The following KCMF1 variants were observed in gnomAD, a reference collection of about 807,000 sequenced individuals.
KCMF1 encodes E3 ubiquitin-protein ligase KCMF1.
In KCMF1, 3 loss-of-function variants were observed where a neutral mutation model predicts 41.1. The ratio of observed to expected loss-of-function variants is 0.07; its 90% CI spans 0.03 to 0.19. The LOEUF (loss-of-function observed/expected upper bound fraction) is 0.19, where lower values mean the gene tolerates loss of function less well. KCMF1 is among the 10% of genes least tolerant of loss of function. The pLI is 1.00. For synonymous variants in KCMF1, 142 were observed against 164.5 expected, an observed-to-expected ratio of 0.86 and a Z score of 1.04; for missense variants, 286 against 488.9, an observed-to-expected ratio of 0.58 and a Z score of 3.91.
chr2:84,975,010 T>C (rs879345510), intron 1 of KCMF1, among the ~76,000 whole-genome samples: 1 of 152,116 alleles, frequency 6.6e-6, no homozygotes, highest in African/African-American at 2.4e-5. Context: ...CCTGGCCGAA[T>C]TTCATATAAT....
At chr2:85,020,487 G>A (rs1674904600) in intron 1 of KCMF1, among the ~76,000 whole-genome samples, 1 of 151,860 alleles carries the variant, frequency 6.6e-6, no homozygotes, top group African/African-American at 2.4e-5. Flanking sequence ...GGAGCGCAGT[G>A]GCACAATCTC....
At chr2:85,027,600 A>G (rs1675141231) in intron 1 of KCMF1, among the ~76,000 whole-genome samples, 1 of 151,708 alleles carries the variant, frequency 6.6e-6, no homozygotes, top group African/African-American at 2.4e-5. Context: ...GTCTTGGACT[A>G]CTGACCTCAA....
At chr2:84,991,248 T>C (rs1278883046) in intron 1 of KCMF1, among the ~76,000 whole-genome samples, 1 of 152,046 alleles carries the variant, frequency 6.6e-6, no homozygotes, top group Non-Finnish European at 1.5e-5. Flanking sequence ...TTTACTGACA[T>C]GGGGAAGGCA....
chr2:84,988,088 C>T (rs915860228), intron 1 of KCMF1, among the ~76,000 whole-genome samples: 50 of 151,966 alleles, frequency 3.3e-4, no homozygotes, highest in Admixed American at 9.2e-4. Context: ...CAAAATTAGG[C>T]GGGTGTGATG....
chr2:84,989,724 A>G (rs771938032), intron 1 of KCMF1, among the ~76,000 whole-genome samples: 1 of 152,180 alleles, frequency 6.6e-6, no homozygotes, highest in Non-Finnish European at 1.5e-5. Flanking sequence ...CATGATGCAT[A>G]TAGAGGACAG....
At chr2:85,002,617 T>G (rs1278687750) in intron 1 of KCMF1, among the ~76,000 whole-genome samples, 1 of 146,898 alleles carries the variant, frequency 6.8e-6, no homozygotes, top group Non-Finnish European at 1.5e-5. Flanking sequence ...TAACTGTGTT[T>G]TTTTTTTTTC....
intron 1 of KCMF1, among the ~76,000 whole-genome samples, chr2:85,024,271 G>A (rs1004546331): frequency 6.6e-6 from 1 of 152,100 alleles, no homozygotes; most frequent in South Asian, 2.1e-4. Context: ...CCCGGAGTTC[G>A]AGACCAGCCT....
chr2:85,051,938 C>T (rs1574045908), intron 6 of KCMF1, among the ~76,000 whole-genome samples: 2 of 152,320 alleles, frequency 1.3e-5, no homozygotes, highest in South Asian at 2.1e-4. Flanking sequence ...GGGCCCAAGC[C>T]TTATTTTTGG....
intron 6 of KCMF1, 53 bp from the exon 7 acceptor site, chr2:85,053,095 C>A: frequency 6.6e-7 from 1 of 1,505,966 alleles, no homozygotes; most frequent in Non-Finnish European, 8.9e-7. Context: ...ATTGGCCATG[C>A]CATTGTTCAT....
chr2:85,013,250 G>A (rs917900676), intron 1 of KCMF1, among the ~76,000 whole-genome samples: 6 of 152,150 alleles, frequency 3.9e-5, no homozygotes, highest in Non-Finnish European at 7.3e-5. Context: ...GCTAGAAATA[G>A]TAGTGTTAAG....
chr2:85,008,744 C>G (rs1674577951), intron 1 of KCMF1, among the ~76,000 whole-genome samples: 1 of 151,088 alleles, frequency 6.6e-6, no homozygotes, highest in Non-Finnish European at 1.5e-5. Flanking sequence ...ACTGAAAGCA[C>G]TGCAAGTATT....
chr2:84,988,873 T>C (rs1456705199), intron 1 of KCMF1, among the ~76,000 whole-genome samples: 2 of 152,222 alleles, frequency 1.3e-5, no homozygotes, highest in Admixed American at 6.5e-5. Flanking sequence ...TACTCTACTC[T>C]GCTGTTGTAG....
At chr2:85,023,317 C>CTT (rs551221633) in intron 1 of KCMF1, among the ~76,000 whole-genome samples, 5,962 of 125,090 alleles carry the variant, frequency 0.048, 447 homozygotes, top group East Asian at 0.13. Flanking sequence ...TCTGAATAGC[C>CTT]TTTTTTTTTT....
chr2:85,029,702 C>T (rs1558581485), intron 2 of KCMF1, among the ~76,000 whole-genome samples: 2 of 110,670 alleles, frequency 1.8e-5, no homozygotes, highest in African/African-American at 7.2e-5. Context: ...TTTTTTGAGA[C>T]AAGAGTTTCA....
chr2:84,984,808 A>G (rs1267921925), intron 1 of KCMF1, among the ~76,000 whole-genome samples: 1 of 152,150 alleles, frequency 6.6e-6, no homozygotes, highest in Non-Finnish European at 1.5e-5. Flanking sequence ...CTGGGCAGCA[A>G]GTAAAACTCT....
intron 5 of KCMF1, among the ~76,000 whole-genome samples, chr2:85,047,256 A>G (rs1162455797): frequency 6.6e-6 from 1 of 152,208 alleles, no homozygotes; most frequent in African/African-American, 2.4e-5. Flanking sequence ...TCATGGTTAA[A>G]TCTCCATAAG....
chr2:85,059,026 G>C lies in KCMF1; in HGVS notation c.*5617G>C, dbSNP rs780758330. On this transcript the variant is annotated 3_prime_UTR_variant, in exon 7 of 7. Coordinates refer to ENST00000409785, the MANE Select transcript of KCMF1 (RefSeq NM_020122.5). ...AAGATTCTATAATACTCCTGTATTGGCAAGTGGACTGGACCAACAGACACA... is the reference window on the plus strand; with the variant it reads ...AAGATTCTATAATACTCCTGTATTGCCAAGTGGACTGGACCAACAGACACA... 2 of 152,056 alleles carry C rather than the reference G, an allele frequency of 1.3e-5. No individual in the cohort carries two copies. Among genetic ancestry groups the C allele is most frequent in the Non-Finnish European group, 2.9e-5 (2 of 67,992 alleles). 9.4% of individuals were successfully genotyped at this position (152,056 alleles called of 1,614,324 possible). A position where few individuals can be genotyped will look rare whatever the true frequency, so the allele number is the denominator to read the frequency against.
chr2:85,029,625 T>A, intron 2 of KCMF1, among the ~76,000 whole-genome samples: 1 of 150,100 alleles, frequency 6.7e-6, no homozygotes, highest in Non-Finnish European at 1.5e-5. Flanking sequence ...AGATTGTTTC[T>A]ACAGTTGATT....
intron 1 of KCMF1, among the ~76,000 whole-genome samples, chr2:85,008,481 A>T (rs1674570562): frequency 7.4e-6 from 1 of 135,182 alleles, no homozygotes; most frequent in African/African-American, 2.7e-5. Context: ...TATATCTCAT[A>T]TATCTTATAT....
Sources: allele counts gnomAD v4.1 joint callset (sites outside exome capture counted in the v4.1 genomes callset), GRCh38; gene constraint gnomAD v4.1.1; transcripts MANE v1.5; gene names NCBI Gene and HGNC (gene_info 2026-07-23, HGNC 2026-07-21).